The following LIPK variants were observed in gnomAD, a reference collection of about 807,000 sequenced individuals.
LIPK encodes lipase member K.
A neutral mutation model predicts 48.6 loss-of-function variants in LIPK; 32 were observed. The observed-to-expected ratio is 0.66, with a 90% CI of 0.50 to 0.88. The LOEUF (loss-of-function observed/expected upper bound fraction) is 0.88, where lower values mean the gene tolerates loss of function less well. Among genes scored for constraint, LIPK ranks in the 40% least tolerant of loss-of-function variants. LIPK has a pLI of 0.00. For synonymous variants in LIPK, 164 were observed against 157.4 expected (o/e 1.04, Z -0.32); for missense variants, 507 against 478.5 (o/e 1.06, Z -0.56).
chr10:88,752,390 C>A, intron 9 of LIPK, 127 bp from the exon 10 acceptor site: 1 of 636,086 alleles, frequency 1.6e-6, no homozygotes, highest in South Asian at 2.1e-5. Context: ...TGTTTATATA[C>A]CATTAAGTGT....
intron 7 of LIPK, among the ~76,000 whole-genome samples, chr10:88,739,737 T>C (rs971801313): frequency 2.6e-5 from 4 of 151,978 alleles, no homozygotes; most frequent in African/African-American, 7.3e-5. Flanking sequence ...TGCGCACCTG[T>C]AGTCCTAGCT....
At chr10:88,750,499 G>T (rs1274744444) in intron 9 of LIPK, among the ~76,000 whole-genome samples, 1 of 152,134 alleles carries the variant, frequency 6.6e-6, no homozygotes, top group African/African-American at 2.4e-5. Context: ...GTCCTTTGCA[G>T]CAATGTGGAT....
chr10:88,733,945 G>A (rs1270607625), intron 6 of LIPK, among the ~76,000 whole-genome samples: 1 of 152,182 alleles, frequency 6.6e-6, no homozygotes, highest in Non-Finnish European at 1.5e-5. Context: ...GGAGGTATTA[G>A]GGGGCAATGG....
chr10:88,724,656 AT>A lies in LIPK; in HGVS notation c.105+11del. On this transcript the variant is annotated intron_variant, in intron 2 of 9. Coordinates refer to ENST00000404190, the MANE Select transcript of LIPK (RefSeq NM_001080518.2). The stretch of plus-strand genomic sequence containing the variant: ...GAAGCTAATATGAATATTGTAAGTC[AT>A]TTATTCAGAAAAAAATGCTAAAATA... 6.8e-7 allele frequency: 1 copy of A among 1,463,048 alleles called. No individual in the cohort carries two copies. Among genetic ancestry groups the A allele is most frequent in the South Asian group, 1.3e-5 (1 of 79,640 alleles). 90.6% of individuals were successfully genotyped at this position (1,463,048 alleles called of 1,614,324 possible).
At chr10:88,708,179 T>A (rs1841968735) in intron 1 of LIPK, among the ~76,000 whole-genome samples, 1 of 152,150 alleles carries the variant, frequency 6.6e-6, no homozygotes, top group South Asian at 2.1e-4. Context: ...TTCTGAACTT[T>A]GCCCCTAAGA....
intron 9 of LIPK, among the ~76,000 whole-genome samples, chr10:88,744,288 C>T (rs1252460009): frequency 6.6e-6 from 1 of 152,234 alleles, no homozygotes; most frequent in Non-Finnish European, 1.5e-5. Flanking sequence ...CAGATGGGTC[C>T]CTACCAGTGT....
intron 9 of LIPK, among the ~76,000 whole-genome samples, chr10:88,745,378 G>T (rs1842749226): frequency 6.6e-6 from 1 of 152,108 alleles, no homozygotes; most frequent in Non-Finnish European, 1.5e-5. Flanking sequence ...AAGGCAGCTA[G>T]AGAGAAGGGG....
intron 3 of LIPK, chr10:88,728,828 AC>A (rs1444416413): frequency 5.8e-6 from 1 of 173,764 alleles, no homozygotes; most frequent in African/African-American, 2.4e-5. Context: ...TTTCAGCCGC[AC>A]CAGCTCCTGC....
chr10:88,722,212 T>C (rs762791966), intron 1 of LIPK, among the ~76,000 whole-genome samples: 1 of 152,120 alleles, frequency 6.6e-6, no homozygotes, highest in Non-Finnish European at 1.5e-5. Context: ...AGAGAATCCC[T>C]TGAACCCAGA....
In LIPK at chr10:88,719,062, T is replaced by C. The variant is rs1173881461; in HGVS notation, c.-11-5471T>C. On this transcript the variant is annotated intron_variant, in intron 1 of 9. Coordinates refer to ENST00000404190, the MANE Select transcript of LIPK (RefSeq NM_001080518.2). Reference sequence around the variant, plus strand: ...TAATATAAAGTATAATATGTGGTTCTTGTCCTTAAGAAGCTTATGAACTAG... The same window carrying C: ...TAATATAAAGTATAATATGTGGTTCCTGTCCTTAAGAAGCTTATGAACTAG... Among the ~76,000 whole-genome samples the C allele has an allele frequency of 3.9e-5, 6 of 152,202 alleles. No individual in the cohort carries two copies. The East Asian group carries it at 5.8e-4, about 15-fold the overall frequency.
At chr10:88,716,647 G>A (rs1351280997) in intron 1 of LIPK, among the ~76,000 whole-genome samples, 1 of 152,116 alleles carries the variant, frequency 6.6e-6, no homozygotes, top group Non-Finnish European at 1.5e-5. Flanking sequence ...ATGAGCCACT[G>A]AGCCTGGCCA....
chr10:88,708,611 C>T (rs1020822625), intron 1 of LIPK, among the ~76,000 whole-genome samples: 2 of 151,980 alleles, frequency 1.3e-5, no homozygotes, highest in African/African-American at 4.8e-5. Flanking sequence ...CTTTATGGCA[C>T]ATTGTAAATA....
At chr10:88,734,555 G>C (rs778598158) in intron 6 of LIPK, among the ~76,000 whole-genome samples, 1 of 152,092 alleles carries the variant, frequency 6.6e-6, no homozygotes, top group Admixed American at 6.6e-5. Context: ...GGAATGACAC[G>C]CATAATGCCC....
intron 9 of LIPK, among the ~76,000 whole-genome samples, chr10:88,748,564 C>G (rs2134794008): frequency 1.3e-5 from 2 of 150,352 alleles, no homozygotes; most frequent in South Asian, 4.2e-4. Context: ...TTGCAGTGGG[C>G]TGAGATTGTG....
At chr10:88,751,271 T>C (rs1193430638) in intron 9 of LIPK, among the ~76,000 whole-genome samples, 2 of 152,224 alleles carry the variant, frequency 1.3e-5, no homozygotes, top group African/African-American at 2.4e-5. Context: ...ATAATGATTT[T>C]GGCTTCTTGC....
chr10:88,735,792 G>A (rs546392410), intron 6 of LIPK, among the ~76,000 whole-genome samples: 1 of 152,336 alleles, frequency 6.6e-6, no homozygotes, highest in African/African-American at 2.4e-5. Flanking sequence ...AAGTTGGCAT[G>A]TTTGCTACTC....
intron 8 of LIPK, among the ~76,000 whole-genome samples, chr10:88,741,886 CACT>C (rs1842685776): frequency 6.6e-6 from 1 of 152,158 alleles, no homozygotes. Context: ...GTGTCTTTCA[CACT>C]ACTATAAAGA....
chr10:88,739,170 C>CGACT (rs10675916), intron 7 of LIPK, among the ~76,000 whole-genome samples: 30,808 of 151,874 alleles, frequency 0.2, 3,326 homozygotes, highest in East Asian at 0.36. Flanking sequence ...CTAAATATAC[C>CGACT]GACTGAATTA....
At chr10:88,728,482 G>T in intron 3 of LIPK, 1 of 221,028 alleles carries the variant, frequency 4.5e-6, no homozygotes, top group South Asian at 5.4e-5. Flanking sequence ...AGAGAACGCA[G>T]AGCAGCGTGG....
Sources: allele counts gnomAD v4.1 joint callset (sites outside exome capture counted in the v4.1 genomes callset), GRCh38; gene constraint gnomAD v4.1.1; transcripts MANE v1.5; gene names NCBI Gene and HGNC (gene_info 2026-07-23, HGNC 2026-07-21).